Variants in CNTN1 observed in about 807,000 individuals in gnomAD.
The protein encoded by CNTN1 is contactin-1.
Under a neutral mutation model 126.4 loss-of-function variants are expected in CNTN1, and 38 were observed. The ratio of observed to expected loss-of-function variants is 0.30; its 90% CI spans 0.23 to 0.39. The LOEUF is 0.39. Ranked by LOEUF, CNTN1 falls within the 10% of genes least tolerant of loss-of-function variation. The pLI is 1.00. For missense variants in CNTN1, 1,009 were observed against 1,248.4 expected (o/e 0.81, Z 2.89); for synonymous variants, 413 against 422.6 (o/e 0.98, Z 0.28).
chr12:41,025,540 C>T (rs1035097101), intron 21 of CNTN1, among the ~76,000 whole-genome samples: 3 of 152,138 alleles, frequency 2.0e-5, no homozygotes, highest in African/African-American at 7.2e-5. Flanking sequence ...GTTAAATATT[C>T]CATTATAGAA....
At chr12:40,863,955 TCTTCTCCTTCTCCTC>T (rs1198922858) in intron 1 of CNTN1, among the ~76,000 whole-genome samples, 3 of 83,922 alleles carry the variant, frequency 3.6e-5, no homozygotes, top group East Asian at 3.1e-4. Flanking sequence ...TCCCTCCCTC[TCTTCTCCTTCTCCTC>T]CTTCTCCTTC....
chr12:41,067,690 G>A (rs964619068), intron 23 of CNTN1, among the ~76,000 whole-genome samples: 3 of 150,328 alleles, frequency 2.0e-5, no homozygotes, highest in African/African-American at 4.9e-5. Flanking sequence ...TGGGTGCAGC[G>A]CACCAGCATG....
rs1311329019 is a variant in CNTN1 at position 40,939,471 on chromosome 12, T to C, written c.1365T>C (p.Leu455=). The change falls in exon 12 of 24, where the codon CTT becomes CTC. Residue 455 remains leucine, a synonymous_variant. Transcript: ENST00000551295. ...KFSWSKGTEW[L]VNSSRILIWE... Reference sequence around the variant, plus strand: ...CATGGAGTAAAGGGACAGAGTGGCTTGTCAATAGCAGCAGGTCAGTGCTGA... The same window carrying C: ...CATGGAGTAAAGGGACAGAGTGGCTCGTCAATAGCAGCAGGTCAGTGCTGA... 1.9e-6 allele frequency: 3 copies of C among 1,613,884 alleles called. No individual in the cohort carries two copies. The highest frequency in any genetic ancestry group is 2.2e-5 in the South Asian group (2 of 91,084).
At chr12:40,968,906 A>C (rs1947399420) in intron 15 of CNTN1, among the ~76,000 whole-genome samples, 1 of 152,158 alleles carries the variant, frequency 6.6e-6, no homozygotes, top group Non-Finnish European at 1.5e-5. Context: ...TTGTTGGTAC[A>C]TGGTTTGTCA....
intron 6 of CNTN1, among the ~76,000 whole-genome samples, chr12:40,926,055 C>T (rs1417956829): frequency 2.0e-5 from 3 of 151,334 alleles, no homozygotes; most frequent in South Asian, 2.1e-4. Context: ...CACAGAAATG[C>T]CTCAGTGGAG....
At chr12:40,941,494 G>A (rs915000182) in intron 12 of CNTN1, among the ~76,000 whole-genome samples, 38 of 152,046 alleles carry the variant, frequency 2.5e-4, no homozygotes, top group African/African-American at 8.9e-4. Context: ...TGCCTAAAGA[G>A]TGGTTTATAT....
intron 1 of CNTN1, among the ~76,000 whole-genome samples, chr12:40,732,237 G>A (rs571144519): frequency 1.3e-5 from 2 of 152,000 alleles, no homozygotes; most frequent in South Asian, 2.1e-4. Context: ...ATAATGTTAT[G>A]TCTATTTTCT....
intron 21 of CNTN1, 37 bp from the exon 22 acceptor site, chr12:41,027,820 A>G (rs1949064699): frequency 8.2e-7 from 1 of 1,224,386 alleles, no homozygotes; most frequent in South Asian, 1.2e-5. Flanking sequence ...GAGATTGGAT[A>G]TAGTGACCAC....
chr12:40,816,524 A>G, intron 1 of CNTN1, among the ~76,000 whole-genome samples: 1 of 151,358 alleles, frequency 6.6e-6, no homozygotes, highest in East Asian at 1.9e-4. Flanking sequence ...TATTGTGTCT[A>G]TTTGATTCTT....
chr12:40,850,891 C>T (rs1289876571), intron 1 of CNTN1, among the ~76,000 whole-genome samples: 3 of 152,082 alleles, frequency 2.0e-5, no homozygotes, highest in East Asian at 1.9e-4. Flanking sequence ...ATTTAAAATA[C>T]CATTTTCTTG....
intron 17 of CNTN1, among the ~76,000 whole-genome samples, chr12:41,008,098 A>G (rs914800746): frequency 6.6e-6 from 1 of 152,110 alleles, no homozygotes; most frequent in Admixed American, 6.5e-5. Context: ...CCTCCTATAA[A>G]GGGGCATTGT....
At chr12:40,881,323 T>TA (rs1315300957) in intron 1 of CNTN1, among the ~76,000 whole-genome samples, 1 of 151,866 alleles carries the variant, frequency 6.6e-6, no homozygotes, top group African/African-American at 2.4e-5. Flanking sequence ...GCTATATACA[T>TA]AAACTGGAAT....
intron 15 of CNTN1, among the ~76,000 whole-genome samples, chr12:40,980,448 CAA>C (rs5797694): frequency 0.13 from 16,515 of 128,396 alleles, 949 homozygotes; most frequent in Non-Finnish European, 0.13. Flanking sequence ...GACCCTAACT[CAA>C]AAAAAAAAAA....
intron 1 of CNTN1, among the ~76,000 whole-genome samples, chr12:40,900,295 A>G (rs187807216): frequency 7.2e-5 from 11 of 152,346 alleles, no homozygotes; most frequent in Admixed American, 4.6e-4. Context: ...ATATATTTTT[A>G]CTGGGATAAT....
rs1945827865 is a variant in CNTN1, at chr12:40,929,996, C to A, written c.697C>A (p.Pro233Thr). Residue 233 changes from proline to threonine, a missense_variant, in exon 7 of 24, where the codon CCT becomes ACT. Physicochemically the swap from Pro to Thr is conservative, Grantham distance 38. Transcript: ENST00000551295. ...FSKFIPLIPI[P>T]ERTTKPYPAD... ...CAAATTCATCCCACTCATTCCAATA[C>A]CTGAACGTAAGTATTTTATTTGTTA... 1 of 1,605,138 alleles carries A rather than the reference C, an allele frequency of 6.2e-7. No individual in the cohort carries two copies. Among genetic ancestry groups the A allele is most frequent in the Admixed American group, 1.7e-5 (1 of 59,880 alleles).
At chr12:40,796,161 G>C (rs1271244707) in intron 1 of CNTN1, among the ~76,000 whole-genome samples, 3 of 152,030 alleles carry the variant, frequency 2.0e-5, no homozygotes, top group African/African-American at 7.2e-5. Context: ...GTAGAAAAGG[G>C]TTTCTAAGCA....
chr12:41,068,708 T>C (rs1293425869), intron 23 of CNTN1, among the ~76,000 whole-genome samples: 1 of 152,242 alleles, frequency 6.6e-6, no homozygotes, highest in East Asian at 1.9e-4. Flanking sequence ...TGATAGATAA[T>C]AATAATTTAT....
At chr12:40,843,515 G>A (rs1942371362) in intron 1 of CNTN1, among the ~76,000 whole-genome samples, 1 of 152,068 alleles carries the variant, frequency 6.6e-6, no homozygotes, top group South Asian at 2.1e-4. Flanking sequence ...CCAACATTTG[G>A]CACATTGCCT....
chr12:40,975,324 A>G (rs1335926471), intron 15 of CNTN1, among the ~76,000 whole-genome samples: 1 of 151,692 alleles, frequency 6.6e-6, no homozygotes, highest in East Asian at 1.9e-4. Flanking sequence ...TGTTGAAAAC[A>G]TAAATTTAGA....
Sources: gnomAD v4.1 joint callset for allele counts (sites outside exome capture counted in the v4.1 genomes callset) on GRCh38, gnomAD v4.1.1 for gene constraint, MANE v1.5 for transcripts, NCBI Gene and HGNC (gene_info 2026-07-23, HGNC 2026-07-21) for gene names.